The following LIPA variants were observed in gnomAD, a reference collection of about 807,000 sequenced individuals.
The protein encoded by LIPA is lipase A, lysosomal acid type.
A neutral mutation model predicts 40.6 loss-of-function variants in LIPA; 26 were observed. That is an observed-to-expected ratio of 0.64 (90% confidence interval 0.47 to 0.89). The LOEUF (loss-of-function observed/expected upper bound fraction) is 0.89. Ranked by LOEUF, LIPA falls within the 40% of genes least tolerant of loss-of-function variation. The probability of loss-of-function intolerance (pLI) is 0.00; values close to 1 mark genes in which losing one functional copy is unlikely to be tolerated. For synonymous variants in LIPA, 188 were observed against 168.4 expected (o/e 1.12, Z -0.90); for missense variants, 455 against 479.6 (o/e 0.95, Z 0.48).
chr10:89,268,785 G>C (rs1174375267), intron 1 of LIPA, among the ~76,000 whole-genome samples: 6 of 152,028 alleles, frequency 3.9e-5, no homozygotes, highest in African/African-American at 1.4e-4. Context: ...AGGAGATTGA[G>C]ACCATCCTGA....
intron 1 of LIPA, among the ~76,000 whole-genome samples, chr10:89,276,957 C>T (rs1189996184): frequency 3.9e-5 from 6 of 152,128 alleles, no homozygotes; most frequent in East Asian, 1.9e-4. Flanking sequence ...AGCCCTGTCT[C>T]GACCCTCCAT....
Position 89,214,717 on chromosome 10 carries a change from A to C in LIPA, c.*111T>G. The C allele has an allele frequency of 1.4e-6, 1 of 715,856 alleles. No homozygotes were observed. The highest frequency in any genetic ancestry group is 2.4e-6 in the Non-Finnish European group (1 of 416,218). 44.3% of individuals were successfully genotyped at this position (715,856 alleles called of 1,614,324 possible). A position where few individuals can be genotyped will look rare whatever the true frequency, so the allele number is the denominator to read the frequency against. On this transcript the variant is annotated 3_prime_UTR_variant, in exon 10 of 10. Coordinates refer to ENST00000336233, the MANE Select transcript of LIPA (RefSeq NM_000235.4). Reference sequence around the variant, plus strand: ...TCAAAGTTATCATTTTCTTGGATATAAAAAAACAAAAGACCTGGGAAAGAA... The same window carrying C: ...TCAAAGTTATCATTTTCTTGGATATCAAAAAACAAAAGACCTGGGAAAGAA...
At position 89,223,710 on chromosome 10, in the gene LIPA, C is replaced by A. The variant is rs267607218; in HGVS notation, c.796G>T (p.Gly266Ter). Residue 266 changes from glycine to a stop codon, truncating the protein, a stop_gained, in exon 7 of 10, where the codon GGA (glycine) becomes TGA (stop). Transcript: ENST00000336233. LOFTEE classifies it high-confidence loss of function. Reference sequence around the variant, plus strand: ...ATATTTAAATTTCTCTCATTAAATCCACACAGAAGAAAACAGAGATTTCCA... The same window carrying A: ...ATATTTAAATTTCTCTCATTAAATCAACACAGAAGAAAACAGAGATTTCCA... ...LCGNLCFLLC[G>*]FNERNLNMSR... is the part of the protein sequence containing the mutation. The A allele has an allele frequency of 8.1e-6, 13 of 1,612,760 alleles. No individual in the cohort carries two copies. Among genetic ancestry groups the A allele is most frequent in the Non-Finnish European group, 1.1e-5 (13 of 1,179,058 alleles).
intron 1 of LIPA, among the ~76,000 whole-genome samples, chr10:89,290,710 C>T (rs967925444): frequency 1.3e-4 from 20 of 152,332 alleles, no homozygotes; most frequent in African/African-American, 4.3e-4. Flanking sequence ...CCCACCTCTG[C>T]CAGCCAGAGA....
chr10:89,392,164 A>T (rs1485737568), intron 2 of LIPA, among the ~76,000 whole-genome samples: 1 of 152,240 alleles, frequency 6.6e-6, no homozygotes, highest in Non-Finnish European at 1.5e-5. Context: ...ACCAAAAAGC[A>T]ACCAGCAACC....
chr10:89,392,917 T>C (rs182699575), intron 2 of LIPA, among the ~76,000 whole-genome samples: 160 of 152,310 alleles, frequency 1.1e-3, no homozygotes, highest in African/African-American at 3.6e-3. Context: ...ATTTTTATGT[T>C]TGTTAGCATG....
intron 4 of LIPA, among the ~76,000 whole-genome samples, chr10:89,227,811 A>G (rs1842789961): frequency 6.6e-6 from 1 of 152,224 alleles, no homozygotes; most frequent in Non-Finnish European, 1.5e-5. Flanking sequence ...CCAATGTCAT[A>G]CAGCAATTAA....
intron 3 of LIPA, among the ~76,000 whole-genome samples, chr10:89,229,526 G>A (rs1040672036): frequency 6.6e-6 from 1 of 152,186 alleles, no homozygotes; most frequent in East Asian, 1.9e-4. Flanking sequence ...TGAGGCGAGT[G>A]GATCACTTGA....
intron 2 of LIPA, among the ~76,000 whole-genome samples, chr10:89,364,078 G>A (rs1036365394): frequency 2.6e-5 from 4 of 152,076 alleles, no homozygotes; most frequent in African/African-American, 4.8e-5. Flanking sequence ...TTCCCTGATC[G>A]CTGCTTTCAA....
intron 3 of LIPA, among the ~76,000 whole-genome samples, chr10:89,243,218 G>C (rs1241398073): frequency 6.6e-6 from 1 of 152,206 alleles, no homozygotes; most frequent in Non-Finnish European, 1.5e-5. Context: ...AGGAGTGAAG[G>C]ACAGTAAAGA....
At chr10:89,295,555 G>A (rs1322407481) in intron 1 of LIPA, among the ~76,000 whole-genome samples, 1 of 152,166 alleles carries the variant, frequency 6.6e-6, no homozygotes, top group African/African-American at 2.4e-5. Context: ...CTAGAATGGG[G>A]CCTAAGAATT....
chr10:89,247,673 T>C (rs1294023300), intron 1 of LIPA, 24 bp from the exon 2 acceptor site: 3 of 1,502,376 alleles, frequency 2.0e-6, no homozygotes, highest in Non-Finnish European at 2.8e-6. Context: ...CAGTCTATTA[T>C]TATTTGCTTG....
chr10:89,373,275 C>T (rs1298969473), intron 2 of LIPA, among the ~76,000 whole-genome samples: 2 of 137,852 alleles, frequency 1.5e-5, no homozygotes, highest in Non-Finnish European at 3.0e-5. Flanking sequence ...GCAGAGCTTA[C>T]AGTGAGCCAA....
chr10:89,354,226 T>G (rs1843977369), intron 2 of LIPA, among the ~76,000 whole-genome samples: 1 of 152,236 alleles, frequency 6.6e-6, no homozygotes, highest in Admixed American at 6.5e-5. Flanking sequence ...GAATGCAACC[T>G]TTTGTCTCTT....
intron 2 of LIPA, among the ~76,000 whole-genome samples, chr10:89,401,489 G>A (rs1383524951): frequency 1.3e-5 from 2 of 152,096 alleles, no homozygotes; most frequent in Non-Finnish European, 2.9e-5. Flanking sequence ...AAGGGTTAGG[G>A]GAGTACAGGT....
At chr10:89,270,539 A>T (rs749890960) in intron 1 of LIPA, among the ~76,000 whole-genome samples, 5 of 152,204 alleles carry the variant, frequency 3.3e-5, no homozygotes, top group Non-Finnish European at 5.9e-5. Context: ...AATATGAAGG[A>T]TACATTTCTG....
At chr10:89,413,057 CCGTGTGTT>C (rs1172317408) in intron 1 of LIPA, 2 of 158,450 alleles carry the variant, frequency 1.3e-5, no homozygotes, top group African/African-American at 2.4e-5. Flanking sequence ...CCCACTGTGT[CCGTGTGTT>C]CTCATCATTT....
chr10:89,286,788 C>G (rs879381890), intron 1 of LIPA, among the ~76,000 whole-genome samples: 3 of 151,966 alleles, frequency 2.0e-5, no homozygotes, highest in Non-Finnish European at 2.9e-5. Context: ...ATTAACCTTG[C>G]CTTCAAGGTG....
intron 2 of LIPA, among the ~76,000 whole-genome samples, chr10:89,385,781 G>A (rs894153012): frequency 9.9e-5 from 15 of 152,274 alleles, no homozygotes; most frequent in East Asian, 5.8e-4. Context: ...AGGGATCTAC[G>A]TGACCCAAAC....
Sources: allele counts gnomAD v4.1 joint callset (sites outside exome capture counted in the v4.1 genomes callset), GRCh38; gene constraint gnomAD v4.1.1; transcripts MANE v1.5; gene names NCBI Gene and HGNC (gene_info 2026-07-23, HGNC 2026-07-21).